Variants in PTPRD observed in about 807,000 individuals in gnomAD.
PTPRD encodes receptor-type tyrosine-protein phosphatase delta.
PTPRD carries 34 observed loss-of-function variants against 214.5 expected under a neutral mutation model. The observed-to-expected ratio is 0.16, with a 90% CI of 0.12 to 0.21. The LOEUF is 0.21. PTPRD is among the 10% of genes least tolerant of loss of function. PTPRD has a pLI of 1.00. For synonymous variants in PTPRD, 1,128 were observed against 845.7 expected (o/e 1.33, Z -5.79); for missense variants, 2,545 against 2,398.7 (o/e 1.06, Z -1.27).
chr9:10,208,247 G>A (rs370259774), intron 3 of PTPRD, among the ~76,000 whole-genome samples: 218 of 152,316 alleles, frequency 1.4e-3, no homozygotes, highest in African/African-American at 5.1e-3. Flanking sequence ...GGGCGCGGTG[G>A]CTCAGGCCCG....
intron 7 of PTPRD, among the ~76,000 whole-genome samples, chr9:9,636,856 G>A (rs948625826): frequency 1.3e-5 from 2 of 152,154 alleles, no homozygotes; most frequent in Non-Finnish European, 2.9e-5. Context: ...CTTGGAGGCT[G>A]GGAAGCCTAA....
intron 24 of PTPRD, among the ~76,000 whole-genome samples, chr9:8,500,372 C>T (rs2097368429): frequency 6.7e-6 from 1 of 149,358 alleles, no homozygotes; most frequent in African/African-American, 2.5e-5. Context: ...GACAAAAAGG[C>T]AACAAAAAGG....
At chr9:9,056,480 G>C (rs1301979659) in intron 10 of PTPRD, among the ~76,000 whole-genome samples, 1 of 152,192 alleles carries the variant, frequency 6.6e-6, no homozygotes, top group Non-Finnish European at 1.5e-5. Context: ...TTCCTCATCT[G>C]ATCAAGGGAA....
chr9:10,344,989 A>C (rs1187677793), intron 2 of PTPRD, among the ~76,000 whole-genome samples: 6 of 152,148 alleles, frequency 3.9e-5, no homozygotes, highest in Non-Finnish European at 8.8e-5. Context: ...TTATACTATA[A>C]TAATGTAATT....
intron 5 of PTPRD, among the ~76,000 whole-genome samples, chr9:9,887,932 A>G (rs2071594771): frequency 6.6e-6 from 1 of 152,172 alleles, no homozygotes; most frequent in South Asian, 2.1e-4. Context: ...GGGAGATAAT[A>G]CACTCACATG....
chr9:9,420,905 T>G (rs564378878), intron 8 of PTPRD, among the ~76,000 whole-genome samples: 2 of 152,040 alleles, frequency 1.3e-5, no homozygotes, highest in Non-Finnish European at 2.9e-5. Flanking sequence ...ATTTGACCAG[T>G]CCTTAACAGT....
intron 8 of PTPRD, among the ~76,000 whole-genome samples, chr9:9,523,321 C>A (rs1276155919): frequency 6.6e-6 from 1 of 152,164 alleles, no homozygotes; most frequent in African/African-American, 2.4e-5. Flanking sequence ...GTTACCACTA[C>A]ATATGAAAAA....
rs547616342 is a variant in PTPRD at position 9,905,256 on chromosome 9, C to A, written c.-368+33251G>T. On this transcript the variant is annotated intron_variant, in intron 5 of 45. Coordinates refer to ENST00000381196, the MANE Select transcript of PTPRD (RefSeq NM_002839.4). ...CATTTACTTTGCAAACATATAGTCA[C>A]CCTAAATTCAGTTTGATTATTGAAA... 5.9e-4 allele frequency among the ~76,000 whole-genome samples: 89 copies of A among 151,926 alleles called. 1 individual carries two copies. The South Asian group carries it at 0.017, about 30-fold the overall frequency.
chr9:8,842,356 A>G (rs1277465760), intron 11 of PTPRD, among the ~76,000 whole-genome samples: 2 of 152,108 alleles, frequency 1.3e-5, no homozygotes, highest in Non-Finnish European at 2.9e-5. Context: ...CTGTTTCTAA[A>G]TATCTTATAA....
intron 31 of PTPRD, among the ~76,000 whole-genome samples, chr9:8,469,955 T>C (rs546095832): frequency 5.4e-4 from 82 of 152,224 alleles, no homozygotes; most frequent in African/African-American, 1.9e-3. Context: ...GAAATAAGCA[T>C]CATCTCTCTG....
intron 3 of PTPRD, among the ~76,000 whole-genome samples, chr9:10,113,027 CCATCA>C (rs1290793627): frequency 6.6e-6 from 1 of 152,200 alleles, no homozygotes; most frequent in East Asian, 1.9e-4. Flanking sequence ...CCAACGCCAA[CCATCA>C]TCTGGGTTAT....
At chr9:9,912,025 G>C (rs888044499) in intron 5 of PTPRD, among the ~76,000 whole-genome samples, 1 of 151,930 alleles carries the variant, frequency 6.6e-6, no homozygotes. Flanking sequence ...TGTCAATCAA[G>C]AATAAGAAAA....
intron 39 of PTPRD, among the ~76,000 whole-genome samples, chr9:8,351,771 AAT>A (rs2075550735): frequency 2.2e-5 from 3 of 136,854 alleles, no homozygotes; most frequent in Admixed American, 7.4e-5. Flanking sequence ...AAAAAAAAAA[AAT>A]CTAGAGTTAG....
chr9:9,974,129 T>C (rs1206363592), intron 4 of PTPRD, among the ~76,000 whole-genome samples: 6 of 152,206 alleles, frequency 3.9e-5, no homozygotes, highest in African/African-American at 1.4e-4. Context: ...GCAGAATAAA[T>C]GGAGAAGCCA....
chr9:8,444,366 C>T (rs2095648749), intron 34 of PTPRD, among the ~76,000 whole-genome samples: 1 of 152,036 alleles, frequency 6.6e-6, no homozygotes, highest in Non-Finnish European at 1.5e-5. Flanking sequence ...TGTATACATA[C>T]ATGACATACA....
At chr9:8,583,642 G>A (rs1242007885) in intron 14 of PTPRD, among the ~76,000 whole-genome samples, 1 of 152,152 alleles carries the variant, frequency 6.6e-6, no homozygotes, top group Admixed American at 6.5e-5. Flanking sequence ...TGCACATGTA[G>A]GTGTAAAACC....
chr9:9,734,892 A>T (rs778303863), intron 6 of PTPRD, among the ~76,000 whole-genome samples: 1 of 152,118 alleles, frequency 6.6e-6, no homozygotes, highest in Non-Finnish European at 1.5e-5. Context: ...TATTAAATGC[A>T]CTTGAAATTC....
intron 34 of PTPRD, among the ~76,000 whole-genome samples, chr9:8,437,988 A>C (rs2095417580): frequency 6.6e-6 from 1 of 152,192 alleles, no homozygotes; most frequent in South Asian, 2.1e-4. Flanking sequence ...TTACAGATAT[A>C]AATTCCAGCT....
chr9:8,338,469 G>T (rs1328631199), intron 43 of PTPRD, among the ~76,000 whole-genome samples: 1 of 152,022 alleles, frequency 6.6e-6, no homozygotes, highest in Non-Finnish European at 1.5e-5. Flanking sequence ...TCTAAAGAAT[G>T]CCATTTGCTC....
Sources: allele counts gnomAD v4.1 joint callset (sites outside exome capture counted in the v4.1 genomes callset), GRCh38; gene constraint gnomAD v4.1.1; transcripts MANE v1.5; gene names NCBI Gene and HGNC (gene_info 2026-07-23, HGNC 2026-07-21).